The following AMDHD1 variants were observed in gnomAD, a reference collection of about 807,000 sequenced individuals.
The protein encoded by AMDHD1 is probable imidazolonepropionase.
A neutral mutation model predicts 44.1 loss-of-function variants in AMDHD1; 45 were observed. The ratio of observed to expected loss-of-function variants is 1.02; its 90% confidence interval spans 0.80 to 1.31. The LOEUF is 1.31. Ranked by LOEUF, AMDHD1 falls within the 50% of genes most tolerant of loss-of-function variation. The pLI is 0.00. For missense variants in AMDHD1, 586 were observed against 552.1 expected, an observed-to-expected ratio of 1.06 and a Z score of -0.61; for synonymous variants, 206 against 205.0, an observed-to-expected ratio of 1.00 and a Z score of -0.04.
At chr12:95,946,061 C>CTCTCTG (rs1403742643) in intron 1 of AMDHD1, among the ~76,000 whole-genome samples, 18 of 122,580 alleles carry the variant, frequency 1.5e-4, no homozygotes, top group African/African-American at 4.5e-4. Context: ...CTCTTTCTCT[C>CTCTCTG]TGTGTGTGTG....
At chr12:95,965,636 C>A in intron 6 of AMDHD1, 50 bp from the exon 7 acceptor site, 3 of 1,303,848 alleles carry the variant, frequency 2.3e-6, no homozygotes, top group South Asian at 2.5e-5. Context: ...AACAGCTATT[C>A]TACAAAAGCT....
intron 8 of AMDHD1, among the ~76,000 whole-genome samples, chr12:95,966,774 C>T (rs940274749): frequency 8.5e-5 from 13 of 152,170 alleles, no homozygotes; most frequent in African/African-American, 2.9e-4. Flanking sequence ...GGACTTTGGC[C>T]GGGTTGTGCC....
chr12:95,952,644 T>C, intron 1 of AMDHD1, 73 bp from the exon 2 acceptor site: 1 of 955,118 alleles, frequency 1.0e-6, no homozygotes. Flanking sequence ...TCTGAAAACA[T>C]ATTTTAAGTC....
At chr12:95,953,548 G>T (rs2080534652) in intron 2 of AMDHD1, among the ~76,000 whole-genome samples, 1 of 151,822 alleles carries the variant, frequency 6.6e-6, no homozygotes, top group Admixed American at 6.6e-5. Flanking sequence ...AATATTTATT[G>T]TACACATCTG....
At chr12:95,945,455 G>A (rs548642661) in intron 1 of AMDHD1, among the ~76,000 whole-genome samples, 2 of 152,284 alleles carry the variant, frequency 1.3e-5, no homozygotes, top group East Asian at 3.9e-4. Context: ...TTAGGTTGGT[G>A]CAAAAATCAA....
Position 95,967,692 on chromosome 12 carries a change from T to A in AMDHD1, c.1194-64T>A, listed in dbSNP as rs895726857. 937 of 1,239,348 alleles carry A rather than the reference T, an allele frequency of 7.6e-4. 1 individual carries two copies. Among genetic ancestry groups the A allele is most frequent in the South Asian group, 1.3e-3 (95 of 70,482 alleles). 76.8% of individuals were successfully genotyped at this position (1,239,348 alleles called of 1,614,324 possible). A position where few individuals can be genotyped will look rare whatever the true frequency, so the allele number is the denominator to read the frequency against. ...GCATTTTAAAATTAGCATTTATTGA[T>A]AAAGTAATAATTTTTACTTGCACAC... On this transcript the variant is annotated intron_variant, in intron 8 of 8. Transcript: ENST00000266736.
At chr12:95,964,309 C>A (rs1182246541) in intron 6 of AMDHD1, among the ~76,000 whole-genome samples, 2 of 152,172 alleles carry the variant, frequency 1.3e-5, no homozygotes, top group African/African-American at 2.4e-5. Flanking sequence ...GCAGGGCCCC[C>A]TGCTCTCCCC....
Position 95,962,376 on chromosome 12 carries a change from C to T in AMDHD1, c.835C>T (p.Gln279Ter). ...TTAGCTTGGGGCTGAACTGGGAGCG[C>T]AGGCAATCAGCCACCTGGAAGAAGT... ...AAELGAELGAQAISHLEEVSD... is the reference protein window; with the variant it reads ...AAELGAELGA The change falls in exon 6 of 9, where the codon CAG becomes TAG. Residue 279 changes from glutamine to a stop codon, truncating the protein, a stop_gained. Transcript: ENST00000266736. LOFTEE classifies it high-confidence loss of function. 1 of 1,613,776 alleles carries T rather than the reference C, an allele frequency of 6.2e-7. No homozygotes were observed.
chr12:95,946,081 G>T (rs2080494448), intron 1 of AMDHD1, among the ~76,000 whole-genome samples: 1 of 151,864 alleles, frequency 6.6e-6, no homozygotes, highest in Admixed American at 6.6e-5. Flanking sequence ...GTGTGTGTGT[G>T]TGTGTGTGTG....
chr12:95,966,268 G>A lies in AMDHD1; in HGVS notation c.1033-80G>A, dbSNP rs1056739393. The A allele has an allele frequency of 5.9e-6, 9 of 1,518,002 alleles. No individual in the cohort carries two copies. The African/African-American group carries it at 1.1e-4, about 19-fold the overall frequency. 94.0% of individuals were successfully genotyped at this position (1,518,002 alleles called of 1,614,324 possible). A position where few individuals can be genotyped will look rare whatever the true frequency, so the allele number is the denominator to read the frequency against. On this transcript the variant is annotated intron_variant, in intron 7 of 8. Transcript: ENST00000266736. Reference sequence around the variant, plus strand: ...CCTATACCTTTAACTGCCTCTATTTGTTGTGCTGTGTTGAGAAATGTTTTA... The same window carrying A: ...CCTATACCTTTAACTGCCTCTATTTATTGTGCTGTGTTGAGAAATGTTTTA...
At chr12:95,944,551 G>C (rs2136755909) in intron 1 of AMDHD1, among the ~76,000 whole-genome samples, 1 of 151,590 alleles carries the variant, frequency 6.6e-6, no homozygotes, top group South Asian at 2.1e-4. Context: ...CAAGCAGCTG[G>C]GACTACAGGT....
At chr12:95,955,872 G>A (rs2080546806) in intron 3 of AMDHD1, among the ~76,000 whole-genome samples, 1 of 152,162 alleles carries the variant, frequency 6.6e-6, no homozygotes, top group African/African-American at 2.4e-5. Context: ...GAGTGACAAA[G>A]ATCAAGCTCC....
chr12:95,955,484 C>T (rs2080545412), intron 3 of AMDHD1, among the ~76,000 whole-genome samples: 1 of 152,090 alleles, frequency 6.6e-6, no homozygotes, highest in African/African-American at 2.4e-5. Context: ...AGATGTGCCT[C>T]CTAGCAGCTA....
chr12:95,966,814 G>C (rs10507069), intron 8 of AMDHD1, among the ~76,000 whole-genome samples: 17,509 of 152,206 alleles, frequency 0.12, 1,340 homozygotes, highest in Non-Finnish European at 0.18. Context: ...TTTTCTGCTC[G>C]GCTTCTGATT....
rs943819852 is a variant in AMDHD1, at chr12:95,967,153, G to C, written c.1194-603G>C. ...ATGTCTTAAATGGCAGCAGTCAAGA[G>C]AGCGTGTGCAGGGGAACTCCCATTC... On this transcript the variant is annotated intron_variant, in intron 8 of 8. Transcript: ENST00000266736. Among the ~76,000 whole-genome samples the C allele has an allele frequency of 3.3e-5, 5 of 152,332 alleles. No individual in the cohort carries two copies. In the East Asian group the frequency reaches 7.7e-4, roughly 24 times the overall value.
intron 4 of AMDHD1, among the ~76,000 whole-genome samples, chr12:95,958,981 G>T (rs1185552788): frequency 6.6e-6 from 1 of 152,090 alleles, no homozygotes; most frequent in Non-Finnish European, 1.5e-5. Flanking sequence ...CTTGAACCCG[G>T]GAGGTGGAAG....
At chr12:95,959,962 C>T (rs7977915) in intron 4 of AMDHD1, among the ~76,000 whole-genome samples, 81,087 of 139,176 alleles carry the variant, frequency 0.58, 22,314 homozygotes, top group African/African-American at 0.69. Flanking sequence ...TGCCCCGATA[C>T]TTTTAGTAGA....
rs775947828 is a variant in AMDHD1, at chr12:95,960,496, T to C, written c.686T>C (p.Ile229Thr). The C allele has an allele frequency of 1.1e-5, 17 of 1,614,124 alleles. No individual in the cohort carries two copies. The highest frequency in any genetic ancestry group is 1.6e-4 in the Middle Eastern group (1 of 6,084). Reference protein sequence around the residue: ...GRNGEIHVDNIDVFCEKGVFD... With the variant: ...GRNGEIHVDNTDVFCEKGVFD... ...AATGGGGAAATACACGTGGACAATA[T>C]AGACGTATTTTGTGAGAAAGGTGTC... is the stretch of plus-strand genomic sequence containing the variant. Residue 229 changes from isoleucine (I) to threonine (T), a missense_variant, in exon 5 of 9, where the codon ATA (isoleucine) becomes ACA (threonine). Coordinates refer to ENST00000266736, the MANE Select transcript of AMDHD1 (RefSeq NM_152435.3).
At position 95,952,799 on chromosome 12, in the gene AMDHD1, T is replaced by C. The variant is rs757155891; in HGVS notation, c.220T>C (p.Cys74Arg). ...AGAAACTTTTGAAGAAATAATTGAC[T>C]GCTCTGGGAAATGTATTCTACCAGG... is the stretch of plus-strand genomic sequence containing the variant. ...SGETFEEIID[C>R]SGKCILPGLV... The change falls in exon 2 of 9, where the codon TGC becomes CGC. Residue 74 changes from cysteine (C) to arginine (R), a missense_variant. Cys to Arg is a radical substitution (Grantham distance 180, BLOSUM62 -3). Transcript: ENST00000266736. 21 of 1,610,256 alleles carry C rather than the reference T, an allele frequency of 1.3e-5. No homozygotes were observed. In the South Asian group the frequency reaches 1.8e-4, roughly 13 times the overall value.
Sources: gnomAD v4.1 joint callset for allele counts (sites outside exome capture counted in the v4.1 genomes callset) on GRCh38, gnomAD v4.1.1 for gene constraint, MANE v1.5 for transcripts, NCBI Gene and HGNC (gene_info 2026-07-23, HGNC 2026-07-21) for gene names.